The following MICU1 variants were observed in gnomAD, a reference collection of about 807,000 sequenced individuals.
MICU1 encodes the protein mitochondrial calcium uptake 1.
A neutral mutation model predicts 56.8 loss-of-function variants in MICU1; 45 were observed. That is an observed-to-expected ratio of 0.79 (90% CI 0.62 to 1.02). The LOEUF is 1.02. Among genes scored for constraint, MICU1 ranks in the 50% least tolerant of loss-of-function variants. MICU1 has a pLI of 0.00. For missense variants in MICU1, 504 were observed against 587.1 expected, an observed-to-expected ratio of 0.86 and a Z score of 1.46; for synonymous variants, 186 against 195.1, an observed-to-expected ratio of 0.95 and a Z score of 0.39.
At chr10:72,442,185 C>A (rs749242761) in intron 8 of MICU1, among the ~76,000 whole-genome samples, 4 of 152,064 alleles carry the variant, frequency 2.6e-5, no homozygotes, top group Admixed American at 6.6e-5. Flanking sequence ...GAGACGGAGT[C>A]TCACTCTGTC....
chr10:72,500,269 T>C (rs1208954043), intron 6 of MICU1, among the ~76,000 whole-genome samples: 3 of 12,118 alleles, frequency 2.5e-4, no homozygotes, highest in Non-Finnish European at 6.3e-4. Context: ...TACATATATA[T>C]ATATATATAT....
In MICU1 at chr10:72,562,147, CTTTTTT is replaced by C. The variant is rs533702573; in HGVS notation, c.330+742_330+747del. On this transcript the variant is annotated intron_variant, in intron 3 of 11. Transcript: ENST00000361114. ...GCAGGTTGTGTTAATTACATAAAAT[CTTTTTT>C]TTTTTTTTTTTTTTTTTTGAGACTC... Among the ~76,000 whole-genome samples the C allele has an allele frequency of 1.3e-3, 106 of 82,648 alleles. 3 individuals carry two copies. The highest frequency in any genetic ancestry group is 0.014 in the Middle Eastern group (1 of 72). The allele number at this position is 82,648 out of a possible 152,430, so 54.2% of individuals were successfully genotyped here.
At chr10:72,603,405 CATAA>C (rs1377433875) in intron 1 of MICU1, among the ~76,000 whole-genome samples, 2 of 135,210 alleles carry the variant, frequency 1.5e-5, no homozygotes, top group Middle Eastern at 4.0e-3. Flanking sequence ...AAAAAAAATA[CATAA>C]ATAAATAAGT....
intron 8 of MICU1, among the ~76,000 whole-genome samples, chr10:72,473,704 C>A (rs1167845013): frequency 6.6e-6 from 1 of 152,084 alleles, no homozygotes; most frequent in Non-Finnish European, 1.5e-5. Flanking sequence ...CAGAAAGTGG[C>A]TCTAGGGGGA....
At chr10:72,554,938 C>T (rs1204589468) in intron 3 of MICU1, among the ~76,000 whole-genome samples, 2 of 152,126 alleles carry the variant, frequency 1.3e-5, no homozygotes, top group Non-Finnish European at 2.9e-5. Context: ...TCTCTTGAGC[C>T]TGGGAGGCAG....
chr10:72,573,322 A>C lies in MICU1; in HGVS notation c.-1-6528T>G, dbSNP rs746245096. Among the ~76,000 whole-genome samples, 171 of 149,220 alleles carry C rather than the reference A, an allele frequency of 1.1e-3. 2 individuals are homozygous for C. Among genetic ancestry groups the C allele is most frequent in the Admixed American group, 1.8e-3 (27 of 14,946 alleles). Reference sequence around the variant, plus strand: ...CCCATCACTACAAAAAAAAAAAAAAAAAAAAAAAAAAAACTAAGGCAACAT... The same window carrying C: ...CCCATCACTACAAAAAAAAAAAAAACAAAAAAAAAAAAACTAAGGCAACAT... On this transcript the variant is annotated intron_variant, in intron 1 of 11. Coordinates refer to ENST00000361114, the MANE Select transcript of MICU1 (RefSeq NM_001195518.2).
intron 2 of MICU1, among the ~76,000 whole-genome samples, chr10:72,564,711 T>C (rs1197385462): frequency 2.0e-5 from 3 of 151,876 alleles, no homozygotes; most frequent in Admixed American, 1.3e-4. Context: ...GTGCCTGGAA[T>C]TGGTGAGGCA....
At chr10:72,445,491 T>C (rs1865077010) in intron 8 of MICU1, among the ~76,000 whole-genome samples, 1 of 152,228 alleles carries the variant, frequency 6.6e-6, no homozygotes, top group Non-Finnish European at 1.5e-5. Flanking sequence ...CATACTCAGC[T>C]GATTATTTGT....
chr10:72,543,910 G>A (rs184684134), intron 4 of MICU1, among the ~76,000 whole-genome samples: 4 of 151,478 alleles, frequency 2.6e-5, no homozygotes, highest in Admixed American at 2.0e-4. Flanking sequence ...GTCTTATGCT[G>A]ACCACCCCTC....
At chr10:72,498,714 C>T (rs1446626465) in intron 6 of MICU1, among the ~76,000 whole-genome samples, 1 of 152,212 alleles carries the variant, frequency 6.6e-6, no homozygotes, top group Admixed American at 6.5e-5. Context: ...TCTTCAATAT[C>T]TCCCATTTGA....
At chr10:72,417,895 C>A (rs1028958451) in intron 9 of MICU1, among the ~76,000 whole-genome samples, 1 of 152,168 alleles carries the variant, frequency 6.6e-6, no homozygotes, top group African/African-American at 2.4e-5. Context: ...TAAAGACATA[C>A]CTGAGACCAG....
intron 10 of MICU1, among the ~76,000 whole-genome samples, chr10:72,377,801 A>C (rs1050088542): frequency 6.6e-6 from 1 of 152,224 alleles, no homozygotes; most frequent in Non-Finnish European, 1.5e-5. Context: ...AACTAGAACC[A>C]CTGTGCCTTG....
chr10:72,491,482 C>A (rs1866653494), intron 6 of MICU1, among the ~76,000 whole-genome samples: 1 of 152,120 alleles, frequency 6.6e-6, no homozygotes, highest in Non-Finnish European at 1.5e-5. Flanking sequence ...AGCTTAAAAG[C>A]AACTCTGTGA....
intron 1 of MICU1, among the ~76,000 whole-genome samples, chr10:72,569,953 G>T (rs1422949895): frequency 2.0e-5 from 3 of 151,954 alleles, no homozygotes; most frequent in Non-Finnish European, 1.5e-5. Context: ...AAATTTTTGT[G>T]TGTGTGTTTT....
At chr10:72,496,011 G>T (rs1192734843) in intron 6 of MICU1, among the ~76,000 whole-genome samples, 2 of 151,672 alleles carry the variant, frequency 1.3e-5, no homozygotes, top group Non-Finnish European at 2.9e-5. Flanking sequence ...CTGTCACCCA[G>T]GCTAGAGTGC....
chr10:72,542,685 C>T (rs569972934), intron 4 of MICU1, among the ~76,000 whole-genome samples: 3 of 152,344 alleles, frequency 2.0e-5, no homozygotes, highest in East Asian at 1.9e-4. Flanking sequence ...AACAGCTCAG[C>T]GGGCCCTCTG....
intron 8 of MICU1, among the ~76,000 whole-genome samples, chr10:72,468,361 T>C (rs1361293555): frequency 6.7e-6 from 1 of 149,470 alleles, no homozygotes; most frequent in Non-Finnish European, 1.5e-5. Flanking sequence ...AAATTAACCA[T>C]AACCTTTCAA....
At chr10:72,527,601 AG>A (rs1031269981) in intron 5 of MICU1, among the ~76,000 whole-genome samples, 2 of 152,042 alleles carry the variant, frequency 1.3e-5, no homozygotes, top group Non-Finnish European at 2.9e-5. Flanking sequence ...GAGCTCAAGT[AG>A]CCTCCTAAAG....
At chr10:72,609,530 C>T (rs562433520) in intron 1 of MICU1, among the ~76,000 whole-genome samples, 13 of 152,018 alleles carry the variant, frequency 8.6e-5, no homozygotes, top group Admixed American at 6.6e-4. Flanking sequence ...GTCAGGAGAT[C>T]GAGACCATCC....
Sources: gnomAD v4.1 joint callset for allele counts (sites outside exome capture counted in the v4.1 genomes callset) on GRCh38, gnomAD v4.1.1 for gene constraint, MANE v1.5 for transcripts, NCBI Gene and HGNC (gene_info 2026-07-23, HGNC 2026-07-21) for gene names.